The following PIP5K1B variants were observed in gnomAD, a reference collection of about 807,000 sequenced individuals.
The protein encoded by PIP5K1B is phosphatidylinositol-4-phosphate 5-kinase type 1 beta, also known as phosphatidylinositol 4-phosphate 5-kinase type-1 beta.
PIP5K1B carries 42 observed loss-of-function variants against 67.0 expected under a neutral mutation model. The ratio of observed to expected loss-of-function variants is 0.63; its 90% CI spans 0.49 to 0.81. PIP5K1B has a LOEUF of 0.81. PIP5K1B is among the 30% of genes least tolerant of loss of function. The pLI is 0.00. For synonymous variants in PIP5K1B, 214 were observed against 231.4 expected (o/e 0.92, Z 0.68); for missense variants, 459 against 646.3 (o/e 0.71, Z 3.14).
In PIP5K1B at chr9:68,780,075, T is replaced by TGGCGGCGGCAGCGGCGGCGGCAGC. The variant is rs1275222589; in HGVS notation, c.-86+37439_-86+37440insAGCGGCGGCGGCAGCGGCGGCGGC. The TGGCGGCGGCAGCGGCGGCGGCAGC allele has an allele frequency of 2.1e-6, 3 of 1,427,920 alleles. No homozygotes were observed. In the African/African-American group the frequency reaches 4.4e-5, roughly 21 times the overall value. The allele number at this position is 1,427,920 out of a possible 1,614,324, so 88.5% of individuals were successfully genotyped here. A position where few individuals can be genotyped will look rare whatever the true frequency, so the allele number is the denominator to read the frequency against. On this transcript the variant is annotated intron_variant, in intron 2 of 15. Transcript: ENST00000265382. The stretch of plus-strand genomic sequence containing the variant: ...GGCCAGCCCGCTGACAGATTCTCGG[T>TGGCGGCGGCAGCGGCGGCGGCAGC]GGCGGCGGCAGCGGCGGCGGCCCTG...
chr9:68,866,532 G>A (rs1158105649), intron 5 of PIP5K1B, among the ~76,000 whole-genome samples: 3 of 152,074 alleles, frequency 2.0e-5, no homozygotes, highest in African/African-American at 7.2e-5. Flanking sequence ...GCATGAAATA[G>A]AAAGGCTAAA....
chr9:68,979,411 G>T (rs1293348478), intron 14 of PIP5K1B, among the ~76,000 whole-genome samples: 1 of 152,194 alleles, frequency 6.6e-6, no homozygotes, highest in African/African-American at 2.4e-5. Flanking sequence ...CTGTGCTTGT[G>T]TGTGTACATG....
intron 2 of PIP5K1B, among the ~76,000 whole-genome samples, chr9:68,807,593 G>GA (rs1377795432): frequency 1.3e-5 from 2 of 152,286 alleles, no homozygotes; most frequent in Middle Eastern, 3.4e-3. Flanking sequence ...TTTCTCAATA[G>GA]AAAATGACAT....
chr9:68,746,501 C>T (rs1829318214), intron 2 of PIP5K1B, among the ~76,000 whole-genome samples: 1 of 152,204 alleles, frequency 6.6e-6, no homozygotes, highest in African/African-American at 2.4e-5. Flanking sequence ...TTCCCTCTGG[C>T]TCTGTCTTTT....
In PIP5K1B at chr9:68,938,056, G is replaced by C. The variant is rs375300612; in HGVS notation, c.1358-2590G>C. On this transcript the variant is annotated intron_variant, in intron 13 of 15. Coordinates refer to ENST00000265382, the MANE Select transcript of PIP5K1B (RefSeq NM_003558.4). ...TTTAGAATAAGTGCAATGAGGTGCT[G>C]AGAAGAATGTATATTCTGTTGATTT... Among the ~76,000 whole-genome samples the C allele has an allele frequency of 2.2e-4, 33 of 152,318 alleles. No individual in the cohort carries two copies. In the South Asian group the frequency reaches 6.2e-3, roughly 29 times the overall value.
intron 1 of PIP5K1B, among the ~76,000 whole-genome samples, chr9:68,737,683 A>T (rs973490083): frequency 2.6e-5 from 4 of 152,236 alleles, no homozygotes; most frequent in Non-Finnish European, 5.9e-5. Flanking sequence ...GACCAGAGAT[A>T]TGCAAATGTT....
Position 69,008,761 on chromosome 9 carries a change from G to T in PIP5K1B, c.*312G>T. On this transcript the variant is annotated 3_prime_UTR_variant, in exon 16 of 16. Coordinates refer to ENST00000265382, the MANE Select transcript of PIP5K1B (RefSeq NM_003558.4). ...GGAGTTGGAAGTGCTATTTTCCTAT[G>T]GACTTTTGCATTATTTCATTGTGCA... 3.1e-6 allele frequency: 1 copy of T among 318,028 alleles called. No individual in the cohort carries two copies. The highest frequency in any genetic ancestry group is 6.0e-6 in the Non-Finnish European group (1 of 166,860). The allele number at this position is 318,028 out of a possible 1,614,324, so 19.7% of individuals were successfully genotyped here. A position where few individuals can be genotyped will look rare whatever the true frequency, so the allele number is the denominator to read the frequency against.
At chr9:68,744,917 T>C (rs1367033304) in intron 2 of PIP5K1B, among the ~76,000 whole-genome samples, 1 of 152,216 alleles carries the variant, frequency 6.6e-6, no homozygotes, top group Non-Finnish European at 1.5e-5. Flanking sequence ...GTTCTATTGC[T>C]GTCCAGGTGG....
chr9:68,857,220 T>A (rs1822823635), intron 4 of PIP5K1B, among the ~76,000 whole-genome samples: 1 of 152,176 alleles, frequency 6.6e-6, no homozygotes, highest in African/African-American at 2.4e-5. Context: ...GATAATAAGT[T>A]TGCATTTTTT....
rs745735088 is a variant in PIP5K1B at position 68,894,398 on chromosome 9, A to G, written c.531A>G (p.Gln177=). Residue 177 remains glutamine, a synonymous_variant, in exon 8 of 16, where the codon CAA becomes CAG. Transcript: ENST00000265382. ...LPKFYGLYCM[Q]SGGINIRIVV... is the part of the protein sequence containing the mutation. ...AATTTTACGGACTGTATTGTATGCA[A>G]TCAGGAGGCATTAATATCAGGATTG... The G allele has an allele frequency of 5.6e-6, 9 of 1,613,876 alleles. No individual in the cohort carries two copies. In the Admixed American group the frequency reaches 8.3e-5, roughly 15 times the overall value.
chr9:68,894,783 ATGCTTCCC>A, intron 8 of PIP5K1B, 145 bp downstream of exon 8: 1 of 739,300 alleles, frequency 1.4e-6, no homozygotes. Flanking sequence ...GCGCTGAGCC[ATGCTTCCC>A]TGATATTGAA....
At chr9:68,944,958 C>T (rs1478192479) in intron 14 of PIP5K1B, among the ~76,000 whole-genome samples, 2 of 152,122 alleles carry the variant, frequency 1.3e-5, no homozygotes, top group East Asian at 3.8e-4. Flanking sequence ...AGGGTCTAAG[C>T]CTCTTGTCTT....
chr9:68,799,591 A>G (rs888871771), intron 2 of PIP5K1B, among the ~76,000 whole-genome samples: 12 of 152,232 alleles, frequency 7.9e-5, no homozygotes, highest in African/African-American at 2.9e-4. Context: ...GAACCCATAC[A>G]TATACAATCA....
chr9:68,788,446 A>G (rs1311461470), intron 2 of PIP5K1B: 1 of 458,940 alleles, frequency 2.2e-6, no homozygotes, highest in Non-Finnish European at 4.0e-6. Flanking sequence ...AGTTAATTTT[A>G]TCATATTAGA....
intron 14 of PIP5K1B, among the ~76,000 whole-genome samples, chr9:68,989,885 C>T (rs1045062924): frequency 6.6e-6 from 1 of 151,830 alleles, no homozygotes; most frequent in African/African-American, 2.4e-5. Context: ...GAGGCTGAGG[C>T]AAGAGAATCA....
At chr9:68,893,333 C>CTTTTTTTTTTT (rs397792694) in intron 7 of PIP5K1B, among the ~76,000 whole-genome samples, 1 of 110,954 alleles carries the variant, frequency 9.0e-6, no homozygotes, top group Non-Finnish European at 1.7e-5. Context: ...TATTTTTTTT[C>CTTTTTTTTTTT]TTTTTTTTTT....
chr9:68,982,803 C>T (rs1829942319), intron 14 of PIP5K1B, among the ~76,000 whole-genome samples: 1 of 151,898 alleles, frequency 6.6e-6, no homozygotes, highest in South Asian at 2.1e-4. Flanking sequence ...GGGGCATCTT[C>T]AAGAGAAGAC....
intron 15 of PIP5K1B, among the ~76,000 whole-genome samples, chr9:68,996,766 C>A (rs544040804): frequency 1.2e-4 from 19 of 152,270 alleles, no homozygotes; most frequent in Non-Finnish European, 2.6e-4. Flanking sequence ...AGAGAATATC[C>A]TTTTATGACT....
intron 8 of PIP5K1B, among the ~76,000 whole-genome samples, chr9:68,900,676 G>A (rs925799000): frequency 6.6e-6 from 1 of 152,104 alleles, no homozygotes; most frequent in Non-Finnish European, 1.5e-5. Flanking sequence ...GATAATTAAT[G>A]ACCTAATGAC....
Sources: gnomAD v4.1 joint callset for allele counts (sites outside exome capture counted in the v4.1 genomes callset) on GRCh38, gnomAD v4.1.1 for gene constraint, MANE v1.5 for transcripts, NCBI Gene and HGNC (gene_info 2026-07-23, HGNC 2026-07-21) for gene names.